Variants in SIGLEC1 observed in about 807,000 individuals in gnomAD.
The protein encoded by SIGLEC1 is sialoadhesin.
SIGLEC1 carries 132 observed loss-of-function variants against 148.0 expected under a neutral mutation model. The ratio of observed to expected loss-of-function variants is 0.89; its 90% CI spans 0.77 to 1.03. The LOEUF (loss-of-function observed/expected upper bound fraction) is 1.03. Ranked by LOEUF, SIGLEC1 falls within the 50% of genes least tolerant of loss-of-function variation. The pLI, the probability that SIGLEC1 is intolerant of heterozygous loss-of-function variation, is 0.00. For synonymous variants in SIGLEC1, 945 were observed against 969.0 expected (o/e 0.98, Z 0.46); for missense variants, 2,253 against 2,271.4 (o/e 0.99, Z 0.16).
At position 3,689,196 on chromosome 20, in the gene SIGLEC1, C is replaced by G. The variant is rs147277415; in HGVS notation, c.5029G>C (p.Glu1677Gln). The change falls in exon 21 of 22, where the codon GAG becomes CAG. Residue 1677 changes from glutamate to glutamine, a missense_variant. By Grantham distance (29) the Glu-to-Gln change is conservative (BLOSUM62 2). Coordinates refer to ENST00000344754, the MANE Select transcript of SIGLEC1 (RefSeq NM_023068.4). ...RRRVCKQSMG[E>Q]NSVEMAFQKE... Reference sequence around the variant, plus strand: ...TGAAAAGCCATCTCCACCGAATTCTCGCCCATGCTCTGCTTACAAACACGC... The same window carrying G: ...TGAAAAGCCATCTCCACCGAATTCTGGCCCATGCTCTGCTTACAAACACGC... 1.0e-4 allele frequency: 163 copies of G among 1,614,090 alleles called. No individual in the cohort carries two copies. Among genetic ancestry groups the G allele is most frequent in the Middle Eastern group, 1.6e-4 (1 of 6,082 alleles).
rs2088712590 is a variant in SIGLEC1, at chr20:3,687,694, A to G, written c.*866T>C. 1 of 152,272 alleles carries G rather than the reference A, an allele frequency of 6.6e-6. No homozygotes were observed. Among genetic ancestry groups the G allele is most frequent in the Non-Finnish European group, 1.5e-5 (1 of 68,062 alleles). The allele number at this position is 152,272 out of a possible 1,614,324, so 9.4% of individuals were successfully genotyped here. ...GCCCTCAGTAGATGGGCACTGAGAC[A>G]AAACATGGCCTGCTGGTGGCATTCC... On this transcript the variant is annotated 3_prime_UTR_variant, in exon 22 of 22. Coordinates refer to ENST00000344754, the MANE Select transcript of SIGLEC1 (RefSeq NM_023068.4).
At position 3,698,145 on chromosome 20, in the gene SIGLEC1, A is replaced by C. The variant is rs41297628; in HGVS notation, c.1787-12T>G. 101,641 of 1,569,584 alleles carry C rather than the reference A, an allele frequency of 0.065. 3,731 individuals are homozygous for C. Among genetic ancestry groups the C allele is most frequent in the East Asian group, 0.12 (5,267 of 43,134 alleles). ...TTGTCGAGGGGGGTCTGCAGGGAGG[A>C]AGAACATGGGCACTCATCCCACGGA... On this transcript the variant is annotated splice_polypyrimidine_tract_variant and intron_variant, in intron 8 of 21. Transcript: ENST00000344754.
chr20:3,692,376 G>C, intron 16 of SIGLEC1, 145 bp downstream of exon 16: 1 of 1,173,720 alleles, frequency 8.5e-7, no homozygotes, highest in South Asian at 1.6e-5. Context: ...TTATAGGACT[G>C]TCTCTTTCTC....
chr20:3,689,277 G>GC (rs781404023), intron 20 of SIGLEC1, 50 bp from the exon 21 acceptor site: 1 of 1,500,822 alleles, frequency 6.7e-7, no homozygotes, highest in African/African-American at 1.4e-5. Flanking sequence ...CCCACCTCCT[G>GC]CCCCCATTCC....
rs368839458 is a variant in SIGLEC1 at position 3,702,413 on chromosome 20, C to T, written c.1229-772G>A. ...CCATCCTGGCCAACATGGTGAAACC[C>T]TGTCTCTACAAAAACACAAAAATTA... On this transcript the variant is annotated intron_variant, in intron 6 of 21. Transcript: ENST00000344754. Among the ~76,000 whole-genome samples the T allele has an allele frequency of 3.3e-5, 5 of 152,178 alleles. No individual in the cohort carries two copies. In the East Asian group the frequency reaches 7.7e-4, roughly 23 times the overall value.
intron 6 of SIGLEC1, chr20:3,702,945 G>A (rs749200379): frequency 5.5e-5 from 28 of 513,498 alleles, no homozygotes; most frequent in Non-Finnish European, 8.4e-5. Flanking sequence ...GGAAATCTAG[G>A]TTAAAGGTAT....
In SIGLEC1 at chr20:3,693,714, G is replaced by A; in HGVS notation, c.3257-16C>T. ...ACATTCACAGCTGGGGAGAGGGAGG[G>A]CACAGGACACCAGTGAGGGTCTTGA... On this transcript the variant is annotated splice_polypyrimidine_tract_variant and intron_variant, in intron 13 of 21. Transcript: ENST00000344754. 4 of 1,558,518 alleles carry A rather than the reference G, an allele frequency of 2.6e-6. No homozygotes were observed. The highest frequency in any genetic ancestry group is 1.3e-5 in the African/African-American group (1 of 74,292).
Position 3,694,697 on chromosome 20 carries a change from C to T in SIGLEC1, c.2910G>A (p.Thr970=), listed in dbSNP as rs766203030. Residue 970 remains threonine, a synonymous_variant, in exon 12 of 22, where the codon ACG becomes ACA. Coordinates refer to ENST00000344754, the MANE Select transcript of SIGLEC1 (RefSeq NM_023068.4). ...GGAGGCTGATGGGTGCAGCTAGGCT[C>T]GTGGTGGCTGAGCCTGGGGCCTGGG... The part of the protein sequence containing the change: ...CQAQAPGSAT[T]SLAAPISLHV... 1.7e-5 allele frequency: 27 copies of T among 1,613,818 alleles called. No individual in the cohort carries two copies. The highest frequency in any genetic ancestry group is 2.0e-5 in the Non-Finnish European group (24 of 1,179,980).
At chr20:3,700,247 A>G (rs1004303674) in intron 7 of SIGLEC1, among the ~76,000 whole-genome samples, 1 of 148,942 alleles carries the variant, frequency 6.7e-6, no homozygotes, top group Non-Finnish European at 1.5e-5. Context: ...CCTCCCTAGT[A>G]GCTGGGACCA....
intron 7 of SIGLEC1, among the ~76,000 whole-genome samples, chr20:3,701,089 C>T (rs1015904976): frequency 2.6e-5 from 4 of 152,320 alleles, no homozygotes; most frequent in African/African-American, 9.6e-5. Flanking sequence ...ACAATGAATG[C>T]TTCTGAGGGA....
rs774444806 is a variant in SIGLEC1 at position 3,705,912 on chromosome 20, G to C, written c.538C>G (p.Pro180Ala). ...CTGTTGAAGGTGACAGAGCGAGCAG[G>C]GTCCTGGCCTTGCCACTGCAGTCTG... ...QVRLQWQGQD[P>A]ARSVTFNSQK... is the part of the protein sequence containing the mutation. Residue 180 changes from proline (P) to alanine (A), a missense_variant, in exon 4 of 22, where the codon CCT becomes GCT. By Grantham distance (27) the Pro-to-Ala change is conservative. Transcript: ENST00000344754. 9 of 1,614,166 alleles carry C rather than the reference G, an allele frequency of 5.6e-6. No homozygotes were observed. Among genetic ancestry groups the C allele is most frequent in the Middle Eastern group, 3.3e-4 (2 of 6,062 alleles).
chr20:3,711,114 G>A lies in SIGLEC1; in HGVS notation c.-110+1356C>T, dbSNP rs144832996. 3.3e-5 allele frequency among the ~76,000 whole-genome samples: 5 copies of A among 152,198 alleles called. No individual in the cohort carries two copies. In the South Asian group the frequency reaches 6.2e-4, roughly 19 times the overall value. ...AATTGCGGGTCCCGGGAAAGGGGGCGGTGTGCCAGCAACAGGGAGCAGGCA... is the reference window on the plus strand; with the variant it reads ...AATTGCGGGTCCCGGGAAAGGGGGCAGTGTGCCAGCAACAGGGAGCAGGCA... On this transcript the variant is annotated intron_variant, in intron 1 of 21. Transcript: ENST00000344754.
At position 3,706,332 on chromosome 20, in the gene SIGLEC1, C is replaced by T. The variant is rs8122358; in HGVS notation, c.409+15G>A. ...AATCCCTCCCGGGGGGCAGCCAGGC[C>T]ACCCCACTTATCACCTGTTACTGTG... On this transcript the variant is annotated intron_variant, in intron 3 of 21. Transcript: ENST00000344754. 0.03 allele frequency: 48,095 copies of T among 1,595,140 alleles called. 895 individuals are homozygous for T. Among genetic ancestry groups the T allele is most frequent in the African/African-American group, 0.071 (5,321 of 74,792 alleles).
At position 3,690,824 on chromosome 20, in the gene SIGLEC1, C is replaced by CTTTTTTTTTTTTTT. The variant is rs200631809; in HGVS notation, c.4591+515_4591+516insAAAAAAAAAAAAAA. ...TTCTTTTGGTTTTTTCTCTTCTTTT[C>CTTTTTTTTTTTTTT]TTTTCTTTTTTTTTTTTTTTTCTTG... On this transcript the variant is annotated intron_variant, in intron 18 of 21. Coordinates refer to ENST00000344754, the MANE Select transcript of SIGLEC1 (RefSeq NM_023068.4). Among the ~76,000 whole-genome samples, 37 of 126,856 alleles carry CTTTTTTTTTTTTTT rather than the reference C, an allele frequency of 2.9e-4. 2 individuals carry two copies. The highest frequency in any genetic ancestry group is 1.1e-3 in the African/African-American group (34 of 29,894). 83.2% of individuals were successfully genotyped at this position (126,856 alleles called of 152,430 possible). A position where few individuals can be genotyped will look rare whatever the true frequency, so the allele number is the denominator to read the frequency against.
Position 3,687,953 on chromosome 20 carries a change from T to C in SIGLEC1, c.*607A>G, listed in dbSNP as rs1233128812. On this transcript the variant is annotated 3_prime_UTR_variant, in exon 22 of 22. Transcript: ENST00000344754. ...TGCTTCTACCTCCACTCTTCCTTCT[T>C]CTGGCTGGAGGGCATGTGGACAAAG... is the stretch of plus-strand genomic sequence containing the variant. The C allele has an allele frequency of 1.3e-5, 2 of 157,894 alleles. No individual in the cohort carries two copies. Among genetic ancestry groups the C allele is most frequent in the Admixed American group, 5.9e-5 (1 of 16,838 alleles). The allele number at this position is 157,894 out of a possible 1,614,324, so 9.8% of individuals were successfully genotyped here. A position where few individuals can be genotyped will look rare whatever the true frequency, so the allele number is the denominator to read the frequency against.
At chr20:3,701,200 T>C in intron 7 of SIGLEC1, 142 bp downstream of exon 7, 1 of 760,960 alleles carries the variant, frequency 1.3e-6, no homozygotes. Context: ...GTTGGGTCAC[T>C]GCACAGCCCC....
intron 11 of SIGLEC1, among the ~76,000 whole-genome samples, 190 bp from the exon 12 acceptor site, chr20:3,695,113 G>A (rs1251875678): frequency 6.6e-6 from 1 of 152,112 alleles, no homozygotes; most frequent in African/African-American, 2.4e-5. Flanking sequence ...TCCTGCACAG[G>A]CTCCATCCTG....
intron 21 of SIGLEC1, 165 bp downstream of exon 21, chr20:3,688,990 A>C (rs1188592409): frequency 5.8e-6 from 4 of 691,630 alleles, no homozygotes; most frequent in Non-Finnish European, 1.0e-5. Context: ...CCCCGAGCAG[A>C]ACAGGGCTCT....
chr20:3,701,479 C>T lies in SIGLEC1; in HGVS notation c.1391G>A (p.Arg464His), dbSNP rs34924243. 0.066 allele frequency: 106,367 copies of T among 1,614,054 alleles called. 3,999 individuals are homozygous for T. Among genetic ancestry groups the T allele is most frequent in the Non-Finnish European group, 0.073 (86,443 of 1,180,008 alleles). Residue 464 changes from arginine (R) to histidine (H), a missense_variant, in exon 7 of 22, where the codon CGC becomes CAC. Physicochemically the swap from Arg to His is conservative, Grantham distance 29. Coordinates refer to ENST00000344754, the MANE Select transcript of SIGLEC1 (RefSeq NM_023068.4). ...STSGDSDHSP[R>H]FSGTSGPNSL... is the part of the protein sequence containing the mutation. ...GTTGGGACCAGAGGTACCACTGAAG[C>T]GTGGGCTGTGATCACTGTCCCCGGA...
Sources: allele counts gnomAD v4.1 joint callset (sites outside exome capture counted in the v4.1 genomes callset), GRCh38; gene constraint gnomAD v4.1.1; transcripts MANE v1.5; gene names NCBI Gene and HGNC (gene_info 2026-07-23, HGNC 2026-07-21).